The following BAZ2B variants were observed in gnomAD, a reference collection of about 807,000 sequenced individuals.
BAZ2B encodes the protein bromodomain adjacent to zinc finger domain protein 2B.
Under a neutral mutation model 246.0 loss-of-function variants are expected in BAZ2B, and 91 were observed. That is an observed-to-expected ratio of 0.37 (90% confidence interval 0.31 to 0.44). The LOEUF (loss-of-function observed/expected upper bound fraction) is 0.44. Among genes scored for constraint, BAZ2B ranks in the 20% least tolerant of loss-of-function variants. BAZ2B has a pLI of 1.00. For synonymous variants in BAZ2B, 855 were observed against 860.0 expected, an observed-to-expected ratio of 0.99 and a Z score of 0.10; for missense variants, 2,332 against 2,533.7, an observed-to-expected ratio of 0.92 and a Z score of 1.71.
intron 1 of BAZ2B, among the ~76,000 whole-genome samples, chr2:159,612,976 T>C (rs867057106): frequency 2.6e-5 from 4 of 152,114 alleles, no homozygotes; most frequent in African/African-American, 9.7e-5. Context: ...TTATAAAAAA[T>C]AAAAACAAAT....
At chr2:159,332,104 A>G (rs2064884698) in intron 34 of BAZ2B, among the ~76,000 whole-genome samples, 1 of 152,200 alleles carries the variant, frequency 6.6e-6, no homozygotes, top group Admixed American at 6.5e-5. Flanking sequence ...AAGAGATTAA[A>G]CATGGGAGAA....
Position 159,374,688 on chromosome 2 carries a change from T to G in BAZ2B, c.4068+3A>C. On this transcript the variant is annotated splice_donor_region_variant and intron_variant, in intron 26 of 36. Coordinates refer to ENST00000392783, the MANE Select transcript of BAZ2B (RefSeq NM_013450.4). ...GTTAAATGTTAATCAGAAAAGTGCTTACTTTACTCAGTTTTTCAATCTGTT... is the reference window on the plus strand; with the variant it reads ...GTTAAATGTTAATCAGAAAAGTGCTGACTTTACTCAGTTTTTCAATCTGTT... 6.2e-7 allele frequency: 1 copy of G among 1,609,862 alleles called. No individual in the cohort carries two copies. Among genetic ancestry groups the G allele is most frequent in the Non-Finnish European group, 8.5e-7 (1 of 1,176,512 alleles).
chr2:159,442,026 C>T (rs373017426), intron 6 of BAZ2B, among the ~76,000 whole-genome samples: 18 of 152,238 alleles, frequency 1.2e-4, no homozygotes, highest in African/African-American at 4.1e-4. Flanking sequence ...AAACAGACAC[C>T]AGCTCTGCCT....
At chr2:159,516,121 C>T (rs923609028) in intron 2 of BAZ2B, among the ~76,000 whole-genome samples, 1 of 152,168 alleles carries the variant, frequency 6.6e-6, no homozygotes, top group Middle Eastern at 3.4e-3. Flanking sequence ...ATCCTCCAAA[C>T]TTAAACAGTA....
chr2:159,321,223 C>CT (rs1352125714), intron 36 of BAZ2B, among the ~76,000 whole-genome samples: 1 of 152,196 alleles, frequency 6.6e-6, no homozygotes, highest in African/African-American at 2.4e-5. Flanking sequence ...TAAAAGATAG[C>CT]TTTTAGAAAT....
intron 1 of BAZ2B, among the ~76,000 whole-genome samples, chr2:159,582,291 A>G (rs1687015644): frequency 6.6e-6 from 1 of 152,252 alleles, no homozygotes; most frequent in Admixed American, 6.5e-5. Context: ...TGCCATCAGC[A>G]GGGCCAAAGG....
chr2:159,501,865 A>C (rs985560018), intron 2 of BAZ2B, among the ~76,000 whole-genome samples: 10 of 152,232 alleles, frequency 6.6e-5, no homozygotes, highest in African/African-American at 2.4e-4. Flanking sequence ...ATGTCTATAC[A>C]AAAACTGGTA....
chr2:159,347,656 A>G lies in BAZ2B; in HGVS notation c.5294-10T>C. On this transcript the variant is annotated splice_polypyrimidine_tract_variant and intron_variant, in intron 30 of 36. Transcript: ENST00000392783. Reference sequence around the variant, plus strand: ...AGTTCAATAATAGCAACTACATTTAAAAAGAAATTAATTTAAAAATCCACT... The same window carrying G: ...AGTTCAATAATAGCAACTACATTTAGAAAGAAATTAATTTAAAAATCCACT... 1 of 1,578,556 alleles carries G rather than the reference A, an allele frequency of 6.3e-7. No homozygotes were observed. The highest frequency in any genetic ancestry group is 8.6e-7 in the Non-Finnish European group (1 of 1,156,686).
chr2:159,436,528 C>A (rs187638516), intron 8 of BAZ2B, among the ~76,000 whole-genome samples: 1 of 152,258 alleles, frequency 6.6e-6, no homozygotes, highest in Non-Finnish European at 1.5e-5. Context: ...GCAGGCAGAT[C>A]ACTTGAGGTC....
intron 20 of BAZ2B, among the ~76,000 whole-genome samples, chr2:159,395,107 A>C (rs1033531642): frequency 1.3e-5 from 2 of 152,158 alleles, no homozygotes; most frequent in Admixed American, 6.5e-5. Flanking sequence ...TTTTAAAAAA[A>C]TGGCTTGAAA....
chr2:159,552,996 G>A (rs1188329899), intron 2 of BAZ2B, among the ~76,000 whole-genome samples: 1 of 152,116 alleles, frequency 6.6e-6, no homozygotes, highest in African/African-American at 2.4e-5. Flanking sequence ...CTAGGTAAAG[G>A]GAATAGCATG....
At chr2:159,711,833 G>T in the BAZ2B span, 1 of 152,090 alleles carries the variant, frequency 6.6e-6, no homozygotes, top group Non-Finnish European at 1.5e-5. Flanking sequence ...AGGTGAATTT[G>T]TTTACTGCAA....
chr2:159,409,695 G>T (rs2066523933), intron 14 of BAZ2B, among the ~76,000 whole-genome samples: 1 of 151,980 alleles, frequency 6.6e-6, no homozygotes, highest in Non-Finnish European at 1.5e-5. Flanking sequence ...AAATGAAAAA[G>T]GTGATAAACT....
chr2:159,663,323 TC>T, the BAZ2B span, among the ~76,000 whole-genome samples: 5 of 151,458 alleles, frequency 3.3e-5, no homozygotes, highest in East Asian at 9.8e-4. Flanking sequence ...TGCCTCAGCC[TC>T]CCAAGTAGCT....
the BAZ2B span, among the ~76,000 whole-genome samples, chr2:159,711,665 T>C: frequency 6.6e-6 from 1 of 152,220 alleles, no homozygotes; most frequent in African/African-American, 2.4e-5. Context: ...ATCATCTAAA[T>C]ATTTACACAT....
intron 2 of BAZ2B, chr2:159,516,753 C>T (rs1327511746): frequency 2.6e-5 from 4 of 152,258 alleles, no homozygotes; most frequent in Admixed American, 1.3e-4. Flanking sequence ...CTCAAGTAAT[C>T]GTTCTTTTCT....
the BAZ2B span, among the ~76,000 whole-genome samples, chr2:159,624,698 G>A: frequency 6.6e-6 from 1 of 152,158 alleles, no homozygotes; most frequent in Admixed American, 6.5e-5. Context: ...AAGCACCAAA[G>A]GTAGATAAAT....
chr2:159,683,315 G>T, the BAZ2B span, among the ~76,000 whole-genome samples: 1 of 152,062 alleles, frequency 6.6e-6, no homozygotes, highest in Non-Finnish European at 1.5e-5. Flanking sequence ...TCTCAGACTG[G>T]TATCAAACCT....
chr2:159,571,754 G>A (rs1470527973), intron 1 of BAZ2B, among the ~76,000 whole-genome samples: 1 of 152,168 alleles, frequency 6.6e-6, no homozygotes, highest in Non-Finnish European at 1.5e-5. Context: ...CTGGCATCTT[G>A]TGACGGCCTC....
Sources: gnomAD v4.1 joint callset for allele counts (sites outside exome capture counted in the v4.1 genomes callset) on GRCh38, gnomAD v4.1.1 for gene constraint, MANE v1.5 for transcripts, NCBI Gene and HGNC (gene_info 2026-07-23, HGNC 2026-07-21) for gene names.